The following CEP192 variants were observed in gnomAD, a reference collection of about 807,000 sequenced individuals.
CEP192 encodes the protein centrosomal protein 192.
Under a neutral mutation model 271.8 loss-of-function variants are expected in CEP192, and 151 were observed. That is an observed-to-expected ratio of 0.56 (90% confidence interval 0.49 to 0.64). CEP192 has a LOEUF of 0.64. CEP192 is among the 30% of genes least tolerant of loss of function. The pLI, the probability that CEP192 is intolerant of heterozygous loss-of-function variation, is 0.00. For synonymous variants in CEP192, 995 were observed against 1,076.5 expected (o/e 0.92, Z 1.48); for missense variants, 2,910 against 3,020.5 (o/e 0.96, Z 0.86).
In CEP192 at chr18:13,053,086, G is replaced by T. The variant is rs745948670; in HGVS notation, c.3185G>T (p.Arg1062Leu). 2.5e-6 allele frequency: 4 copies of T among 1,598,978 alleles called. No homozygotes were observed. Among genetic ancestry groups the T allele is most frequent in the Non-Finnish European group, 3.4e-6 (4 of 1,172,734 alleles). The change falls in exon 18 of 45, where the codon CGC becomes CTC. Residue 1062 changes from arginine to leucine, a missense_variant. Transcript: ENST00000506447. ...GCCACAGATGATGCCCTGGAGGACC[G>T]CAAGGTGGGCAGCCACTTGGATTAT... Reference protein sequence around the residue: ...TTATDDALEDRKSDITSELST... With the variant: ...TTATDDALEDLKSDITSELST...
intron 30 of CEP192, among the ~76,000 whole-genome samples, chr18:13,085,940 C>T (rs2038876283): frequency 6.6e-6 from 1 of 151,766 alleles, no homozygotes; most frequent in African/African-American, 2.4e-5. Flanking sequence ...TGAAGAAAGT[C>T]AATGGTAGCT....
At chr18:13,058,913 G>A (rs1427541296) in intron 20 of CEP192, 169 bp from the exon 21 acceptor site, 2 of 602,892 alleles carry the variant, frequency 3.3e-6, no homozygotes, top group Non-Finnish European at 5.9e-6. Flanking sequence ...CATTTGACTC[G>A]TTGTACTTCA....
intron 40 of CEP192, among the ~76,000 whole-genome samples, chr18:13,105,325 A>G (rs891110484): frequency 6.6e-6 from 1 of 152,244 alleles, no homozygotes. Context: ...GCTTACAGTC[A>G]TACTGCACTG....
At chr18:13,029,538 T>C in intron 9 of CEP192, 125 bp from the exon 10 acceptor site, 1 of 643,450 alleles carries the variant, frequency 1.6e-6, no homozygotes, top group Middle Eastern at 4.3e-4. Context: ...TACTGTGTGT[T>C]CTCTTCTTTC....
chr18:13,059,100 C>T lies in CEP192; in HGVS notation c.4276C>T (p.Arg1426Cys), dbSNP rs747011814. The T allele has an allele frequency of 4.3e-5, 69 of 1,612,740 alleles. No individual in the cohort carries two copies. The highest frequency in any genetic ancestry group is 8.9e-5 in the East Asian group (4 of 44,870). The change falls in exon 21 of 45, where the codon CGT (arginine) becomes TGT (cysteine). Residue 1426 changes from arginine to cysteine, a missense_variant. Transcript: ENST00000506447. ...NGEKVDLSTY[R>C]CLVFKNKAII... is the part of the protein sequence containing the mutation. The stretch of plus-strand genomic sequence containing the variant: ...TTTGAAGGTGGATCTTTCAACATAT[C>T]GTTGTTTAGTTTTCAAGAATAAAGC...
chr18:13,021,902 A>G (rs2035017569), intron 9 of CEP192, among the ~76,000 whole-genome samples: 1 of 151,948 alleles, frequency 6.6e-6, no homozygotes, highest in African/African-American at 2.4e-5. Flanking sequence ...TACATTTTGG[A>G]TTGTTTATTG....
At chr18:13,061,260 TTACAGTGAGCTGAAG>T in intron 21 of CEP192, among the ~76,000 whole-genome samples, 1 of 151,388 alleles carries the variant, frequency 6.6e-6, no homozygotes, top group East Asian at 2.0e-4. Context: ...GAGGCGGAGG[TTACAGTGAGCTGAAG>T]TCACGCTATT....
chr18:13,017,455 G>A, intron 7 of CEP192, 119 bp downstream of exon 7: 1 of 661,388 alleles, frequency 1.5e-6, no homozygotes, highest in East Asian at 3.1e-5. Flanking sequence ...TGGACTCTGT[G>A]TTTCCGAGGT....
chr18:13,057,993 A>G (rs908639912), intron 20 of CEP192: 6 of 221,662 alleles, frequency 2.7e-5, no homozygotes, highest in Non-Finnish European at 5.2e-5. Flanking sequence ...TTTTAGTGCT[A>G]TTATTTAAAT....
chr18:13,103,416 T>G, intron 38 of CEP192, 93 bp from the exon 39 acceptor site: 1 of 915,576 alleles, frequency 1.1e-6, no homozygotes. Flanking sequence ...TGGGGTTTTT[T>G]AACCCCAGTA....
intron 39 of CEP192, chr18:13,104,025 G>T (rs1289562184): frequency 2.8e-6 from 1 of 358,276 alleles, no homozygotes; most frequent in African/African-American, 2.1e-5. Flanking sequence ...CATTTAGTTG[G>T]TTTTCTCTTT....
At chr18:13,096,596 CCTT>C (rs1476642995) in intron 36 of CEP192, among the ~76,000 whole-genome samples, 1 of 152,132 alleles carries the variant, frequency 6.6e-6, no homozygotes, top group Non-Finnish European at 1.5e-5. Flanking sequence ...CAGAGCGTTT[CCTT>C]CTTAGGACTG....
At chr18:13,108,496 A>G (rs1425029653) in intron 40 of CEP192, among the ~76,000 whole-genome samples, 3 of 152,210 alleles carry the variant, frequency 2.0e-5, no homozygotes, top group Non-Finnish European at 4.4e-5. Context: ...TGAGCAAAAG[A>G]CATGAACAGA....
In CEP192 at chr18:13,049,246, A is replaced by G. The variant is rs1460634877; in HGVS notation, c.2455A>G (p.Thr819Ala). The part of the protein sequence containing the change: ...WDLSLPKEQT[T>A]QDIHPVDLSA... Reference sequence around the variant, plus strand: ...TTTATCTTTGCCCAAAGAACAAACTACTCAAGACATTCATCCGGTGGACTT... The same window carrying G: ...TTTATCTTTGCCCAAAGAACAAACTGCTCAAGACATTCATCCGGTGGACTT... The change falls in exon 16 of 45, where the codon ACT becomes GCT. Residue 819 changes from threonine to alanine, a missense_variant. By Grantham distance (58) the Thr-to-Ala change is moderately conservative. Coordinates refer to ENST00000506447, the MANE Select transcript of CEP192 (RefSeq NM_032142.4). 1 of 1,614,020 alleles carries G rather than the reference A, an allele frequency of 6.2e-7. No homozygotes were observed. Among genetic ancestry groups the G allele is most frequent in the African/African-American group, 1.3e-5 (1 of 74,928 alleles).
intron 1 of CEP192, among the ~76,000 whole-genome samples, chr18:12,992,990 T>A (rs897307884): frequency 5.9e-5 from 9 of 152,202 alleles, no homozygotes; most frequent in African/African-American, 1.9e-4. Flanking sequence ...AGTTTACATG[T>A]CTGTATATGA....
At chr18:13,122,162 G>A (rs1290101115) in intron 44 of CEP192, among the ~76,000 whole-genome samples, 1 of 152,204 alleles carries the variant, frequency 6.6e-6, no homozygotes, top group African/African-American at 2.4e-5. Flanking sequence ...GGTGGCTCAT[G>A]CCTGTAATCC....
intron 30 of CEP192, among the ~76,000 whole-genome samples, chr18:13,076,240 T>C (rs961659367): frequency 2.0e-5 from 3 of 152,190 alleles, no homozygotes; most frequent in African/African-American, 7.2e-5. Flanking sequence ...TTTCTTTTCT[T>C]TTTTTTGAGA....
chr18:12,994,646 A>T (rs180937788), intron 1 of CEP192, among the ~76,000 whole-genome samples: 2 of 152,146 alleles, frequency 1.3e-5, no homozygotes, highest in African/African-American at 4.8e-5. Flanking sequence ...TGGAACATAG[A>T]CATGTTTTGC....
At chr18:13,030,205 C>G (rs1286211192) in intron 10 of CEP192, among the ~76,000 whole-genome samples, 1 of 152,094 alleles carries the variant, frequency 6.6e-6, no homozygotes, top group Non-Finnish European at 1.5e-5. Context: ...GAAAATGTAC[C>G]TTTCTAGCTA....
Sources: allele counts gnomAD v4.1 joint callset (sites outside exome capture counted in the v4.1 genomes callset), GRCh38; gene constraint gnomAD v4.1.1; transcripts MANE v1.5; gene names NCBI Gene and HGNC (gene_info 2026-07-23, HGNC 2026-07-21).